PCNT: variants seen among roughly 807,000 people sequenced by gnomAD.
PCNT encodes the protein kendrin.
PCNT carries 319 observed loss-of-function variants against 380.4 expected under a neutral mutation model. That is an observed-to-expected ratio of 0.84 (90% CI 0.77 to 0.92). The LOEUF (loss-of-function observed/expected upper bound fraction) is 0.92. Ranked by LOEUF, PCNT falls within the 40% of genes least tolerant of loss-of-function variation. The pLI is 0.00. For synonymous variants in PCNT, 1,845 were observed against 1,735.2 expected, an observed-to-expected ratio of 1.06 and a Z score of -1.57; for missense variants, 4,400 against 4,255.3, an observed-to-expected ratio of 1.03 and a Z score of -0.95.
At chr21:46,427,891 T>C in intron 34 of PCNT, 96 bp downstream of exon 34, 1 of 1,398,458 alleles carries the variant, frequency 7.2e-7, no homozygotes, top group Non-Finnish European at 1.0e-6. Context: ...GAATTTCGGT[T>C]TGTGTGTTTC....
rs757274485 is a variant in PCNT, at chr21:46,389,179, G to A, written c.3608-20G>A. The A allele has an allele frequency of 6.2e-6, 10 of 1,608,050 alleles. No homozygotes were observed. The highest frequency in any genetic ancestry group is 3.3e-5 in the Admixed American group (2 of 59,986). ...GCTTGCTCACTGAGCCGCGTGTGCC[G>A]GCATCTGCTCATCTTGTAGCTCCGG... On this transcript the variant is annotated intron_variant, in intron 18 of 46. Coordinates refer to ENST00000359568, the MANE Select transcript of PCNT (RefSeq NM_006031.6).
chr21:46,325,762 ACT>A (rs1444459549), intron 1 of PCNT, among the ~76,000 whole-genome samples: 18 of 152,024 alleles, frequency 1.2e-4, no homozygotes, highest in Non-Finnish European at 1.9e-4. Flanking sequence ...ATAGTCTCAA[ACT>A]CTCGGATTTG....
At chr21:46,392,939 T>C (rs886353511) in intron 21 of PCNT, among the ~76,000 whole-genome samples, 5 of 152,368 alleles carry the variant, frequency 3.3e-5, no homozygotes, top group African/African-American at 1.2e-4. Flanking sequence ...CTTGTATGGA[T>C]ACCATATTCA....
intron 13 of PCNT, among the ~76,000 whole-genome samples, chr21:46,363,155 A>C (rs2084778626): frequency 6.6e-6 from 1 of 152,136 alleles, no homozygotes; most frequent in African/African-American, 2.4e-5. Flanking sequence ...TGGTCTGAAC[A>C]AAGAAGCCTC....
In PCNT at chr21:46,431,649, T is replaced by C. The variant is rs1200761713; in HGVS notation, c.8185T>C (p.Cys2729Arg). The C allele has an allele frequency of 1.2e-6, 2 of 1,613,784 alleles. No individual in the cohort carries two copies. The highest frequency in any genetic ancestry group is 1.7e-6 in the Non-Finnish European group (2 of 1,179,894). The change falls in exon 38 of 47, where the codon TGC becomes CGC. Residue 2729 changes from cysteine to arginine, a missense_variant. Physicochemically the swap from Cys to Arg is radical, Grantham distance 180 (BLOSUM62 -3). Coordinates refer to ENST00000359568, the MANE Select transcript of PCNT (RefSeq NM_006031.6). The part of the protein sequence containing the change: ...QKELRIEHSR[C>R]EALLAQERSQ... ...GGAGCTGCGTATCGAGCACTCACGC[T>C]GCGAGGCCTTGCTGGCTCAGGAGCG...
At position 46,367,500 on chromosome 21, in the gene PCNT, G is replaced by A. The variant is rs112389559; in HGVS notation, c.3165+361G>A. On this transcript the variant is annotated intron_variant, in intron 15 of 46. Transcript: ENST00000359568. ...TTTTTGTATTTTTAGTAGAGACTGG[G>A]CTTCACCATGTTGGCCAGGCTGGTC... Among the ~76,000 whole-genome samples the A allele has an allele frequency of 2.7e-4, 41 of 152,234 alleles. 2 individuals are homozygous for A. The highest frequency in any genetic ancestry group is 9.1e-4 in the African/African-American group (38 of 41,558).
chr21:46,387,932 C>T (rs951657273), intron 17 of PCNT, among the ~76,000 whole-genome samples: 20 of 152,278 alleles, frequency 1.3e-4, no homozygotes, highest in African/African-American at 4.1e-4. Flanking sequence ...GCATCCCAGC[C>T]GGGCGCAGTG....
rs2084077063 is a variant in PCNT at position 46,346,618 on chromosome 21, C to G, written c.721-125C>G. ...GGCCTCTGTGTCCTGCCCCTGCTTCCACGGGATGTCTGCTGTTTCATTTTC... is the reference window on the plus strand; with the variant it reads ...GGCCTCTGTGTCCTGCCCCTGCTTCGACGGGATGTCTGCTGTTTCATTTTC... On this transcript the variant is annotated intron_variant, in intron 4 of 46. Transcript: ENST00000359568. 3.2e-6 allele frequency: 4 copies of G among 1,249,008 alleles called. No homozygotes were observed. In the South Asian group the frequency reaches 5.2e-5, roughly 16 times the overall value. The allele number at this position is 1,249,008 out of a possible 1,614,324, so 77.4% of individuals were successfully genotyped here. A position where few individuals can be genotyped will look rare whatever the true frequency, so the allele number is the denominator to read the frequency against.
Position 46,432,184 on chromosome 21 carries a change from G to A in PCNT, c.8720G>A (p.Trp2907Ter). Residue 2907 changes from tryptophan to a stop codon, truncating the protein, a stop_gained, in exon 38 of 47, where the codon TGG (tryptophan) becomes TAG (stop). Transcript: ENST00000359568. LOFTEE classifies it high-confidence loss of function. Reference sequence around the variant, plus strand: ...CAGAGCCCAGCGGCTGCGGAGCAGTGGAGGAAGTGGCAGAGAGACAAGGAG... The same window carrying A: ...CAGAGCCCAGCGGCTGCGGAGCAGTAGAGGAAGTGGCAGAGAGACAAGGAG... Reference protein sequence around the residue: ...ARQSPAAAEQWRKWQRDKEKL... With the variant: ...ARQSPAAAEQ 1 of 1,612,390 alleles carries A rather than the reference G, an allele frequency of 6.2e-7. No homozygotes were observed. The highest frequency in any genetic ancestry group is 8.5e-7 in the Non-Finnish European group (1 of 1,179,684).
chr21:46,435,837 C>G lies in PCNT; in HGVS notation c.8752-67C>G, dbSNP rs374810767. 1.3e-4 allele frequency: 207 copies of G among 1,602,904 alleles called. No homozygotes were observed. The African/African-American group carries it at 1.8e-3, about 14-fold the overall frequency. ...GATTACAGGCATGAACCACCGCGCC[C>G]GGCCGGCAGTTTTGTTTTTGGACAC... On this transcript the variant is annotated intron_variant, in intron 38 of 46. Coordinates refer to ENST00000359568, the MANE Select transcript of PCNT (RefSeq NM_006031.6).
chr21:46,402,444 C>T lies in PCNT; in HGVS notation c.5076C>T (p.Val1692=). The T allele has an allele frequency of 6.2e-7, 1 of 1,614,102 alleles. No homozygotes were observed. The highest frequency in any genetic ancestry group is 2.2e-5 in the East Asian group (1 of 44,878). The change falls in exon 27 of 47, where the codon GTC becomes GTT. Residue 1692 remains valine (V), a synonymous_variant. Transcript: ENST00000359568. The part of the protein sequence containing the change: ...KLDMQNSQTA[V]SLRELEEENT... Reference sequence around the variant, plus strand: ...ACATGCAGAACAGCCAGACTGCTGTCAGCCTCAGAGAACTTGAGGAAGAGA... The same window carrying T: ...ACATGCAGAACAGCCAGACTGCTGTTAGCCTCAGAGAACTTGAGGAAGAGA...
intron 32 of PCNT, 81 bp downstream of exon 32, chr21:46,422,205 G>C: frequency 6.4e-7 from 1 of 1,556,070 alleles, no homozygotes; most frequent in African/African-American, 1.4e-5. Context: ...CTGCCTTGCC[G>C]GGGAGAGCCT....
Position 46,432,171 on chromosome 21 carries a change from G to T in PCNT, c.8707G>T (p.Ala2903Ser), listed in dbSNP as rs35147998. The T allele has an allele frequency of 6.2e-7, 1 of 1,613,104 alleles. No homozygotes were observed. Among genetic ancestry groups the T allele is most frequent in the African/African-American group, 1.3e-5 (1 of 75,058 alleles). ...RSAEARQSPAAAEQWRKWQRD... is the reference protein window; with the variant it reads ...RSAEARQSPASAEQWRKWQRD... ...CGCGGAGGCCAGGCAGAGCCCAGCG[G>T]CTGCGGAGCAGTGGAGGAAGTGGCA... The change falls in exon 38 of 47, where the codon GCT (alanine) becomes TCT (serine). Residue 2903 changes from alanine (A) to serine (S), a missense_variant. Coordinates refer to ENST00000359568, the MANE Select transcript of PCNT (RefSeq NM_006031.6).
At chr21:46,379,145 A>C (rs2147107627) in intron 15 of PCNT, among the ~76,000 whole-genome samples, 1 of 152,266 alleles carries the variant, frequency 6.6e-6, no homozygotes, top group Non-Finnish European at 1.5e-5. Context: ...TTCATCCTTG[A>C]GAGATCATTT....
intron 15 of PCNT, among the ~76,000 whole-genome samples, chr21:46,368,076 G>A (rs2084989727): frequency 6.6e-6 from 1 of 152,100 alleles, no homozygotes; most frequent in African/African-American, 2.4e-5. Flanking sequence ...GATTGCTTGA[G>A]CCCAGGAAGT....
rs759116962 is a variant in PCNT at position 46,326,451 on chromosome 21, C to T, written c.129C>T (p.Gly43=). ...HSEKKTAKRK[G]SAVDASVQEE... is the part of the protein sequence containing the mutation. ...AGAAAAAGACGGCGAAGAGGAAGGG[C>T]TCGGCTGTCGATGCGTCTGTCCAGG... Residue 43 remains glycine, a synonymous_variant, in exon 2 of 47, where the codon GGC becomes GGT. Coordinates refer to ENST00000359568, the MANE Select transcript of PCNT (RefSeq NM_006031.6). The T allele has an allele frequency of 1.9e-6, 3 of 1,614,234 alleles. No homozygotes were observed. Among genetic ancestry groups the T allele is most frequent in the South Asian group, 2.2e-5 (2 of 91,090 alleles).
At chr21:46,370,154 A>G (rs549762681) in intron 15 of PCNT, among the ~76,000 whole-genome samples, 1 of 148,800 alleles carries the variant, frequency 6.7e-6, no homozygotes, top group South Asian at 2.1e-4. Context: ...CTGTGCTCAA[A>G]GAGTGCAGCT....
At chr21:46,438,753 A>T (rs576546987) in intron 41 of PCNT, among the ~76,000 whole-genome samples, 1 of 149,594 alleles carries the variant, frequency 6.7e-6, no homozygotes, top group Non-Finnish European at 1.5e-5. Context: ...GCTCACTGCA[A>T]CCTCCACCTC....
intron 2 of PCNT, among the ~76,000 whole-genome samples, chr21:46,328,879 T>G (rs1037605235): frequency 2.0e-5 from 3 of 152,194 alleles, no homozygotes; most frequent in African/African-American, 7.2e-5. Context: ...TTTCAAGCGT[T>G]TCTCCTGCAT....
Sources: gnomAD v4.1 joint callset for allele counts (sites outside exome capture counted in the v4.1 genomes callset) on GRCh38, gnomAD v4.1.1 for gene constraint, MANE v1.5 for transcripts, NCBI Gene and HGNC (gene_info 2026-07-23, HGNC 2026-07-21) for gene names.